The following ACSS3 variants were observed in gnomAD, a reference collection of about 807,000 sequenced individuals.
ACSS3 encodes the protein acyl-CoA synthetase short chain family member 3.
In ACSS3, 64 loss-of-function variants were observed where a neutral mutation model predicts 84.2. That is an observed-to-expected ratio of 0.76 (90% confidence interval 0.62 to 0.94). ACSS3 has a LOEUF of 0.94. Among genes scored for constraint, ACSS3 ranks in the 40% least tolerant of loss-of-function variants. The pLI is 0.00. For synonymous variants in ACSS3, 317 were observed against 310.1 expected (o/e 1.02, Z -0.23); for missense variants, 815 against 867.6 (o/e 0.94, Z 0.76).
intron 9 of ACSS3, among the ~76,000 whole-genome samples, chr12:81,205,016 GTTC>G (rs1461701016): frequency 2.0e-5 from 3 of 152,114 alleles, no homozygotes; most frequent in African/African-American, 7.2e-5. Flanking sequence ...TCTTTGTGGA[GTTC>G]TTCTATCTTG....
At chr12:81,243,899 T>C (rs1333544020) in intron 13 of ACSS3, among the ~76,000 whole-genome samples, 1 of 152,226 alleles carries the variant, frequency 6.6e-6, no homozygotes, top group African/African-American at 2.4e-5. Flanking sequence ...AAATAATTTT[T>C]TTATTTTACA....
At position 81,128,302 on chromosome 12, in the gene ACSS3, A is replaced by T. The variant is rs1161992390; in HGVS notation, c.457-6514A>T. ...AGCTGATACTACATAAATTGAACCA[A>T]TGACAGGACATTTATGTGTTAAAAT... On this transcript the variant is annotated intron_variant, in intron 2 of 15. Coordinates refer to ENST00000548058, the MANE Select transcript of ACSS3 (RefSeq NM_024560.4). Among the ~76,000 whole-genome samples, 4 of 152,164 alleles carry T rather than the reference A, an allele frequency of 2.6e-5. No homozygotes were observed. The East Asian group carries it at 7.7e-4, about 29-fold the overall frequency.
chr12:81,176,064 G>T (rs140739482), intron 8 of ACSS3, among the ~76,000 whole-genome samples: 21 of 152,152 alleles, frequency 1.4e-4, no homozygotes, highest in African/African-American at 5.1e-4. Flanking sequence ...AAAACCAAAA[G>T]TTGAGTTTTT....
intron 9 of ACSS3, among the ~76,000 whole-genome samples, chr12:81,216,645 C>T (rs181082414): frequency 6.6e-6 from 1 of 152,294 alleles, no homozygotes; most frequent in Admixed American, 6.5e-5. Flanking sequence ...AACGCTAGAG[C>T]AGCCTTTCTT....
chr12:81,107,986 T>A (rs1162911394), intron 1 of ACSS3, among the ~76,000 whole-genome samples: 1 of 151,902 alleles, frequency 6.6e-6, no homozygotes, highest in African/African-American at 2.4e-5. Context: ...AGCAAGTACA[T>A]GGATGAGCCC....
intron 8 of ACSS3, among the ~76,000 whole-genome samples, chr12:81,187,330 C>G (rs1352293925): frequency 6.6e-6 from 1 of 151,550 alleles, no homozygotes; most frequent in Non-Finnish European, 1.5e-5. Context: ...CTTTAGCAAC[C>G]ACCATTATTA....
intron 2 of ACSS3, among the ~76,000 whole-genome samples, chr12:81,112,393 C>A (rs1474524950): frequency 6.6e-6 from 1 of 152,114 alleles, no homozygotes; most frequent in African/African-American, 2.4e-5. Flanking sequence ...TTCTCATTTT[C>A]TTTTGTTGGT....
intron 10 of ACSS3, 139 bp from the exon 11 acceptor site, chr12:81,219,874 T>A (rs1325378425): frequency 2.2e-6 from 1 of 446,244 alleles, no homozygotes. Context: ...TTTTAGTTTA[T>A]ATTTGTTCAT....
intron 13 of ACSS3, among the ~76,000 whole-genome samples, chr12:81,250,935 A>T (rs980710542): frequency 6.6e-6 from 1 of 152,184 alleles, no homozygotes; most frequent in Admixed American, 6.6e-5. Context: ...TGGCAGTAAA[A>T]GTTGTCTCTC....
chr12:81,213,902 G>GTCCC (rs2032765613), intron 9 of ACSS3, among the ~76,000 whole-genome samples: 1 of 21,700 alleles, frequency 4.6e-5, no homozygotes, highest in Non-Finnish European at 1.0e-4. Context: ...TCTTTCTTTT[G>GTCCC]TCCTTCCTTC....
chr12:81,138,277 A>G (rs557235103), intron 3 of ACSS3, among the ~76,000 whole-genome samples: 15 of 152,342 alleles, frequency 9.8e-5, no homozygotes, highest in African/African-American at 3.6e-4. Flanking sequence ...ACGTTTACTG[A>G]AAGCTCATGA....
intron 1 of ACSS3, among the ~76,000 whole-genome samples, chr12:81,095,527 A>T (rs1881982522): frequency 6.6e-6 from 1 of 152,316 alleles, no homozygotes; most frequent in South Asian, 2.1e-4. Flanking sequence ...AATAAACAAG[A>T]TAAAATGTAT....
chr12:81,169,757 T>G (rs1245844968), intron 7 of ACSS3, among the ~76,000 whole-genome samples: 1 of 152,192 alleles, frequency 6.6e-6, no homozygotes, highest in Admixed American at 6.5e-5. Context: ...TCCCAAGCAC[T>G]CATCCCTTGA....
chr12:81,093,872 T>C (rs1881840117), intron 1 of ACSS3, among the ~76,000 whole-genome samples: 1 of 152,170 alleles, frequency 6.6e-6, no homozygotes, highest in Non-Finnish European at 1.5e-5. Context: ...GTCAATCTGT[T>C]TGACTCCCTG....
At chr12:81,228,210 A>C (rs932953811) in intron 11 of ACSS3, among the ~76,000 whole-genome samples, 1 of 151,892 alleles carries the variant, frequency 6.6e-6, no homozygotes, top group Non-Finnish European at 1.5e-5. Flanking sequence ...AAAGCCAAAG[A>C]CATTCTCCTG....
chr12:81,083,028 G>A (rs1417343605), intron 1 of ACSS3, among the ~76,000 whole-genome samples: 1 of 152,168 alleles, frequency 6.6e-6, no homozygotes, highest in Non-Finnish European at 1.5e-5. Context: ...GGACTTAGGA[G>A]GAAAGTCATT....
intron 1 of ACSS3, among the ~76,000 whole-genome samples, chr12:81,079,212 C>T (rs1880818313): frequency 1.3e-5 from 2 of 152,140 alleles, no homozygotes. Context: ...AAGTTATAAG[C>T]ATGATTTTTT....
At chr12:81,212,899 T>C (rs1236767765) in intron 9 of ACSS3, among the ~76,000 whole-genome samples, 1 of 152,224 alleles carries the variant, frequency 6.6e-6, no homozygotes, top group African/African-American at 2.4e-5. Flanking sequence ...ATAAATGTGC[T>C]AAGGTGACAT....
At chr12:81,204,436 T>A (rs2032257626) in intron 9 of ACSS3, among the ~76,000 whole-genome samples, 1 of 151,622 alleles carries the variant, frequency 6.6e-6, no homozygotes, top group African/African-American at 2.4e-5. Context: ...TCCCTTCTTT[T>A]ATTTCTTCTT....
Sources: gnomAD v4.1 joint callset for allele counts (sites outside exome capture counted in the v4.1 genomes callset) on GRCh38, gnomAD v4.1.1 for gene constraint, MANE v1.5 for transcripts, NCBI Gene and HGNC (gene_info 2026-07-23, HGNC 2026-07-21) for gene names.